The following NKAIN2 variants were observed in gnomAD, a reference collection of about 807,000 sequenced individuals.
NKAIN2 encodes the protein sodium/potassium transporting ATPase interacting 2, also known as sodium/potassium-transporting ATPase subunit beta-1-interacting protein 2.
A neutral mutation model predicts 32.6 loss-of-function variants in NKAIN2; 14 were observed. The observed-to-expected ratio is 0.43, with a 90% CI of 0.28 to 0.67. NKAIN2 has a LOEUF of 0.67. Ranked by LOEUF, NKAIN2 falls within the 30% of genes least tolerant of loss-of-function variation. The pLI, the probability that NKAIN2 is intolerant of heterozygous loss-of-function variation, is 0.17. For missense variants in NKAIN2, 198 were observed against 258.3 expected, an observed-to-expected ratio of 0.77 and a Z score of 1.60; for synonymous variants, 80 against 87.2, an observed-to-expected ratio of 0.92 and a Z score of 0.46.
intron 1 of NKAIN2, among the ~76,000 whole-genome samples, chr6:124,030,497 TG>T (rs766347580): frequency 5.3e-5 from 8 of 152,210 alleles, no homozygotes; most frequent in Non-Finnish European, 1.0e-4. Context: ...GTTCTTACTA[TG>T]TAGAATGCAA....
At chr6:124,752,008 C>A (rs1409696254) in intron 4 of NKAIN2, among the ~76,000 whole-genome samples, 1 of 151,726 alleles carries the variant, frequency 6.6e-6, no homozygotes, top group African/African-American at 2.4e-5. Context: ...AAACAAAAAC[C>A]CAGAGATCTC....
chr6:124,082,140 G>A (rs1224433351), intron 1 of NKAIN2, among the ~76,000 whole-genome samples: 1 of 152,058 alleles, frequency 6.6e-6, no homozygotes. Flanking sequence ...TAGCATGGTG[G>A]TGGGCAACAG....
chr6:123,871,010 G>A (rs1361190537), intron 1 of NKAIN2, among the ~76,000 whole-genome samples: 1 of 151,836 alleles, frequency 6.6e-6, no homozygotes, highest in Admixed American at 6.6e-5. Context: ...TACTTCAGTG[G>A]CATGCTTACA....
intron 3 of NKAIN2, among the ~76,000 whole-genome samples, chr6:124,472,633 C>T (rs1208677583): frequency 3.3e-5 from 5 of 151,230 alleles, no homozygotes; most frequent in African/African-American, 4.9e-5. Context: ...CAATGATACA[C>T]GCTTGAACAA....
chr6:124,095,346 C>T (rs887269747), intron 1 of NKAIN2, among the ~76,000 whole-genome samples: 11 of 152,206 alleles, frequency 7.2e-5, no homozygotes, highest in African/African-American at 2.4e-4. Context: ...ACAGTTGACC[C>T]CAAGTCCTAA....
At chr6:123,932,572 C>A (rs235695) in intron 1 of NKAIN2, among the ~76,000 whole-genome samples, 117,926 of 151,564 alleles carry the variant, frequency 0.78, 46,381 homozygotes, top group East Asian at 0.91. Flanking sequence ...GTCCGCCAAC[C>A]TGCCCGGCTA....
chr6:124,715,366 T>G (rs1250736065), intron 4 of NKAIN2, among the ~76,000 whole-genome samples: 1 of 152,128 alleles, frequency 6.6e-6, no homozygotes. Context: ...CAGGACCTCA[T>G]TGTTCACGCG....
rs530358889 is a variant in NKAIN2 at position 124,712,701 on chromosome 6, A to T, written c.474+54315A>T. 2.4e-4 allele frequency among the ~76,000 whole-genome samples: 37 copies of T among 151,514 alleles called. No individual in the cohort carries two copies. The East Asian group carries it at 2.7e-3, about 11-fold the overall frequency. On this transcript the variant is annotated intron_variant, in intron 4 of 6. Transcript: ENST00000368417. ...TCGTGCACGGTGTGCGCACCCACTG[A>T]CCGGCACTCCCTAGTGAGATGAACC... is the stretch of plus-strand genomic sequence containing the variant.
chr6:124,185,530 C>T (rs1789672553), intron 1 of NKAIN2, among the ~76,000 whole-genome samples: 1 of 152,160 alleles, frequency 6.6e-6, no homozygotes, highest in Admixed American at 6.5e-5. Context: ...TCTTTCTACA[C>T]TAATTGCTTT....
At chr6:124,607,327 A>C (rs1782538273) in intron 3 of NKAIN2, among the ~76,000 whole-genome samples, 1 of 152,110 alleles carries the variant, frequency 6.6e-6, no homozygotes, top group Non-Finnish European at 1.5e-5. Context: ...CAGAACCAGA[A>C]GAGGTTCAGA....
chr6:124,489,593 A>G (rs1281951576), intron 3 of NKAIN2, among the ~76,000 whole-genome samples: 2 of 151,906 alleles, frequency 1.3e-5, no homozygotes, highest in Admixed American at 6.6e-5. Flanking sequence ...AACCTATTTT[A>G]TAATGCAGTG....
chr6:124,506,095 G>C (rs1778469147), intron 3 of NKAIN2, among the ~76,000 whole-genome samples: 1 of 152,110 alleles, frequency 6.6e-6, no homozygotes, highest in Middle Eastern at 3.4e-3. Flanking sequence ...GCAGGAGAAT[G>C]GCGTGAACCC....
chr6:123,916,415 C>T (rs1020166099), intron 1 of NKAIN2, among the ~76,000 whole-genome samples: 2 of 152,042 alleles, frequency 1.3e-5, no homozygotes, highest in African/African-American at 2.4e-5. Context: ...AAGCCATCAT[C>T]ATACCTGGCT....
chr6:124,823,381 C>T lies in NKAIN2; in HGVS notation c.*152C>T. 9.5e-5 allele frequency: 4 copies of T among 42,084 alleles called. No individual in the cohort carries two copies. The highest frequency in any genetic ancestry group is 5.8e-4 in the South Asian group (3 of 5,212). 2.6% of individuals were successfully genotyped at this position (42,084 alleles called of 1,614,324 possible). A position where few individuals can be genotyped will look rare whatever the true frequency, so the allele number is the denominator to read the frequency against. ...GCAAAGCCTCTACATACAACACTGA[C>T]ACACACACACACACACACGTGAGCA... is the stretch of plus-strand genomic sequence containing the variant. On this transcript the variant is annotated 3_prime_UTR_variant, in exon 7 of 7. Coordinates refer to ENST00000368417, the MANE Select transcript of NKAIN2 (RefSeq NM_001040214.3).
At chr6:124,075,613 A>G (rs2114892211) in intron 1 of NKAIN2, among the ~76,000 whole-genome samples, 1 of 152,220 alleles carries the variant, frequency 6.6e-6, no homozygotes, top group Non-Finnish European at 1.5e-5. Context: ...TTATTTATTT[A>G]GAGACGGAGT....
At chr6:123,944,759 T>C (rs7739210) in intron 1 of NKAIN2, among the ~76,000 whole-genome samples, 71 of 151,418 alleles carry the variant, frequency 4.7e-4, no homozygotes, top group African/African-American at 1.7e-3. Context: ...GACTTGGACT[T>C]TTTTTTTATT....
chr6:123,968,029 G>A (rs1459847740), intron 1 of NKAIN2, among the ~76,000 whole-genome samples: 2 of 152,180 alleles, frequency 1.3e-5, no homozygotes, highest in Admixed American at 6.5e-5. Context: ...GATGGACACG[G>A]CATTAAGAAA....
chr6:124,395,443 C>G, intron 3 of NKAIN2, among the ~76,000 whole-genome samples: 1 of 152,066 alleles, frequency 6.6e-6, no homozygotes, highest in East Asian at 1.9e-4. Context: ...AAGTTACTAA[C>G]AACATTAAAA....
intron 3 of NKAIN2, among the ~76,000 whole-genome samples, chr6:124,583,676 A>G (rs1781605862): frequency 6.6e-6 from 1 of 152,196 alleles, no homozygotes; most frequent in Non-Finnish European, 1.5e-5. Context: ...TCGACCTAGA[A>G]CAGCCAAAGC....
Sources: allele counts gnomAD v4.1 joint callset (sites outside exome capture counted in the v4.1 genomes callset), GRCh38; gene constraint gnomAD v4.1.1; transcripts MANE v1.5; gene names NCBI Gene and HGNC (gene_info 2026-07-23, HGNC 2026-07-21).